Variants in MID1 observed in about 807,000 individuals in gnomAD.
MID1 encodes the protein E3 ubiquitin-protein ligase Midline-1.
MID1 carries 7 observed loss-of-function variants against 40.4 expected under a neutral mutation model. The observed-to-expected ratio is 0.17, with a 90% CI of 0.10 to 0.33. MID1 has a LOEUF of 0.33. Ranked by LOEUF, MID1 falls within the 10% of genes least tolerant of loss-of-function variation. MID1 has a pLI of 1.00. For missense variants in MID1, 367 were observed against 558.5 expected, an observed-to-expected ratio of 0.66 and a Z score of 3.46; for synonymous variants, 229 against 221.2, an observed-to-expected ratio of 1.04 and a Z score of -0.31.
intron 1 of MID1, among the ~76,000 whole-genome samples, chrX:10,575,528 G>A (rs1456642547): frequency 2.7e-5 from 3 of 112,230 alleles, no homozygotes; most frequent in Non-Finnish European, 5.6e-5. Context: ...CATAATACAA[G>A]CACTCAGCAT....
At chrX:10,528,498 G>T (rs748651139) in intron 2 of MID1, among the ~76,000 whole-genome samples, 3 of 111,584 alleles carry the variant, frequency 2.7e-5, no homozygotes, top group African/African-American at 9.8e-5. Context: ...AGGCTTTATT[G>T]GCCATATGTT....
At chrX:10,653,551 T>C (rs971507630) in intron 1 of MID1, among the ~76,000 whole-genome samples, 1 of 112,719 alleles carries the variant, frequency 8.9e-6, no homozygotes, top group Non-Finnish European at 1.9e-5. Context: ...GGATGAGGTC[T>C]GTGCCTCCTT....
At chrX:10,504,576 T>C (rs137974627) in intron 3 of MID1, among the ~76,000 whole-genome samples, 3 of 111,715 alleles carry the variant, frequency 2.7e-5, no homozygotes, top group African/African-American at 6.5e-5. Flanking sequence ...AATCAAAACT[T>C]TGATGCATCT....
chrX:10,714,524 T>G (rs1450800365), intron 1 of MID1, among the ~76,000 whole-genome samples: 1 of 112,951 alleles, frequency 8.9e-6, no homozygotes, highest in African/African-American at 3.2e-5. Flanking sequence ...TGTGTAGCAC[T>G]AGCAGAGCCT....
chrX:10,508,522 G>A (rs1931958228), intron 3 of MID1, among the ~76,000 whole-genome samples: 1 of 111,535 alleles, frequency 9.0e-6, no homozygotes, highest in South Asian at 3.8e-4. Flanking sequence ...TGGATGATGT[G>A]ACTCTGGAGA....
chrX:10,814,710 C>G (rs1262766647), intron 1 of MID1, among the ~76,000 whole-genome samples: 1 of 110,938 alleles, frequency 9.0e-6, no homozygotes. Context: ...CTCCTGCCCC[C>G]CTATCCTTAG....
intron 1 of MID1, among the ~76,000 whole-genome samples, chrX:10,816,986 A>G (rs1249189713): frequency 8.9e-6 from 1 of 112,046 alleles, no homozygotes; most frequent in Non-Finnish European, 1.9e-5. Flanking sequence ...CAAATTACAC[A>G]GGCTCATTAG....
At chrX:10,495,771 G>C in intron 3 of MID1, 80 bp from the exon 4 acceptor site, 4 of 656,686 alleles carry the variant, frequency 6.1e-6, no homozygotes, top group Non-Finnish European at 1.0e-5. Context: ...ATACTAGGAT[G>C]TTTCTAGTAA....
At chrX:10,542,444 T>G (rs921710945) in intron 2 of MID1, among the ~76,000 whole-genome samples, 2 of 111,958 alleles carry the variant, frequency 1.8e-5, no homozygotes, top group African/African-American at 6.5e-5. Flanking sequence ...GAAGTCATAA[T>G]GAGGACTGGA....
chrX:10,448,388 T>G lies in MID1; in HGVS notation c.*980A>C, dbSNP rs1280433736. 9.0e-6 allele frequency: 1 copy of G among 111,159 alleles called. No homozygotes were observed. The highest frequency in any genetic ancestry group is 1.9e-5 in the Non-Finnish European group (1 of 53,088). The allele number at this position is 111,159 out of a possible 1,213,427, so 9.2% of individuals were successfully genotyped here. On this transcript the variant is annotated 3_prime_UTR_variant, in exon 10 of 10. Coordinates refer to ENST00000317552, the MANE Select transcript of MID1 (RefSeq NM_000381.4). The stretch of plus-strand genomic sequence containing the variant: ...CAATCCAAAGTGGTGCTGCTATTTG[T>G]GACAGAACATGTTTATTTACTCAGC...
intron 1 of MID1, among the ~76,000 whole-genome samples, chrX:10,668,567 T>A (rs1362467716): frequency 1.8e-5 from 2 of 112,430 alleles, no homozygotes; most frequent in Non-Finnish European, 3.7e-5. Flanking sequence ...GGCAAGGCAA[T>A]AGATATTATC....
chrX:10,464,334 A>AAATC (rs1344838042), intron 7 of MID1, among the ~76,000 whole-genome samples: 1 of 112,267 alleles, frequency 8.9e-6, no homozygotes, highest in Non-Finnish European at 1.9e-5. Context: ...AATAGCACAG[A>AAATC]AATCAAGTTG....
intron 8 of MID1, among the ~76,000 whole-genome samples, chrX:10,455,291 TAATATTCAAAAGAC>T (rs1928592298): frequency 8.9e-6 from 1 of 112,064 alleles, no homozygotes; most frequent in South Asian, 3.7e-4. Flanking sequence ...AAAGTTTTCA[TAATATTCAAAAGAC>T]AATAGAGAGC....
chrX:10,522,654 G>A (rs1388299313), intron 3 of MID1, among the ~76,000 whole-genome samples: 3 of 111,464 alleles, frequency 2.7e-5, no homozygotes, highest in Non-Finnish European at 5.7e-5. Flanking sequence ...ATGCCACCAC[G>A]CCCAGCTAAT....
At chrX:10,796,481 C>T (rs1309313405) in intron 1 of MID1, among the ~76,000 whole-genome samples, 2 of 101,606 alleles carry the variant, frequency 2.0e-5, no homozygotes, top group African/African-American at 7.4e-5. Flanking sequence ...TTTGTGTAGG[C>T]CCCGCATTTT....
intron 1 of MID1, among the ~76,000 whole-genome samples, chrX:10,656,311 T>C (rs1364384492): frequency 3.6e-5 from 4 of 112,029 alleles, no homozygotes; most frequent in African/African-American, 1.3e-4. Context: ...CACTACCGTT[T>C]GTGGATAAAC....
chrX:10,480,826 C>T (rs1168739866), intron 5 of MID1, among the ~76,000 whole-genome samples: 2 of 111,366 alleles, frequency 1.8e-5, no homozygotes, highest in Non-Finnish European at 3.8e-5. Flanking sequence ...ACAGTCAAGC[C>T]GATTGGACAG....
chrX:10,600,286 C>A (rs1282411655), intron 1 of MID1, among the ~76,000 whole-genome samples: 1 of 110,384 alleles, frequency 9.1e-6, no homozygotes, highest in African/African-American at 3.3e-5. Context: ...CATAGTGAGA[C>A]CCCATCTCAA....
At chrX:10,533,378 A>AAG (rs775558538) in intron 2 of MID1, among the ~76,000 whole-genome samples, 3,783 of 53,898 alleles carry the variant, frequency 0.07, 98 homozygotes, top group East Asian at 0.2. Context: ...GAAAGAAAGA[A>AAG]AAAGAAAGAA....
Sources: gnomAD v4.1 joint callset for allele counts (sites outside exome capture counted in the v4.1 genomes callset) on GRCh38, gnomAD v4.1.1 for gene constraint, MANE v1.5 for transcripts, NCBI Gene and HGNC (gene_info 2026-07-23, HGNC 2026-07-21) for gene names.